Variants in SHISA9 observed in about 807,000 individuals in gnomAD.
SHISA9 encodes the protein protein shisa-9.
In SHISA9, 13 loss-of-function variants were observed where a neutral mutation model predicts 38.0. The observed-to-expected ratio is 0.34, with a 90% CI of 0.22 to 0.54. SHISA9 has a LOEUF of 0.54. Among genes scored for constraint, SHISA9 ranks in the 20% least tolerant of loss-of-function variants. The pLI is 0.91. For missense variants in SHISA9, 538 were observed against 575.8 expected, an observed-to-expected ratio of 0.93 and a Z score of 0.67; for synonymous variants, 275 against 242.0, an observed-to-expected ratio of 1.14 and a Z score of -1.27.
chr16:13,005,936 C>T (rs1237202211), intron 2 of SHISA9, among the ~76,000 whole-genome samples: 1 of 152,156 alleles, frequency 6.6e-6, no homozygotes, highest in Non-Finnish European at 1.5e-5. Context: ...AGGTCTGAAA[C>T]AGTGGGAGGC....
intron 2 of SHISA9, among the ~76,000 whole-genome samples, chr16:13,055,776 A>T (rs573201180): frequency 6.6e-6 from 1 of 152,340 alleles, no homozygotes; most frequent in South Asian, 2.1e-4. Flanking sequence ...CTGAGGATGC[A>T]GCAAAGCTGA....
chr16:13,052,901 C>T (rs1404415998), intron 2 of SHISA9, among the ~76,000 whole-genome samples: 3 of 151,044 alleles, frequency 2.0e-5, no homozygotes, highest in Admixed American at 1.3e-4. Flanking sequence ...GTTAATTACT[C>T]AAGTTGGCAC....
the SHISA9 span, among the ~76,000 whole-genome samples, chr16:13,253,264 G>A: frequency 6.6e-6 from 1 of 152,272 alleles, no homozygotes; most frequent in Admixed American, 6.5e-5. Context: ...ATTTTTGACT[G>A]TGTGGGGGTA....
chr16:13,464,737 G>A, the SHISA9 span, among the ~76,000 whole-genome samples: 4 of 152,088 alleles, frequency 2.6e-5, no homozygotes, highest in Non-Finnish European at 5.9e-5. Flanking sequence ...TGCTTACTAA[G>A]TACTGGGCGC....
At chr16:13,060,819 G>A (rs1462769106) in intron 2 of SHISA9, among the ~76,000 whole-genome samples, 2 of 152,158 alleles carry the variant, frequency 1.3e-5, no homozygotes, top group African/African-American at 4.8e-5. Flanking sequence ...AAGGGCTGGC[G>A]TGGGAGTTGG....
chr16:13,454,531 T>C, the SHISA9 span, among the ~76,000 whole-genome samples: 2 of 152,298 alleles, frequency 1.3e-5, no homozygotes, highest in Admixed American at 6.5e-5. Context: ...GTTGGTACCA[T>C]TGTCGTCATC....
At chr16:12,937,148 T>C (rs547410460) in intron 2 of SHISA9, among the ~76,000 whole-genome samples, 6 of 152,324 alleles carry the variant, frequency 3.9e-5, no homozygotes, top group African/African-American at 1.4e-4. Context: ...GAGCTTGGAA[T>C]TTCCCAGAAG....
At chr16:13,007,013 G>A (rs1018850248) in intron 2 of SHISA9, among the ~76,000 whole-genome samples, 2 of 152,084 alleles carry the variant, frequency 1.3e-5, no homozygotes, top group South Asian at 2.1e-4. Flanking sequence ...TATCAATGCT[G>A]TTGAGCCCCC....
chr16:13,322,191 C>T, the SHISA9 span, among the ~76,000 whole-genome samples: 1 of 152,146 alleles, frequency 6.6e-6, no homozygotes, highest in Non-Finnish European at 1.5e-5. Flanking sequence ...TGAGTTCAGC[C>T]AACCAGATCA....
chr16:13,549,253 G>T, the SHISA9 span, among the ~76,000 whole-genome samples: 43 of 152,264 alleles, frequency 2.8e-4, no homozygotes, highest in Non-Finnish European at 4.1e-4. Context: ...AGGTCAGTGG[G>T]TACAAAGTTA....
intron 2 of SHISA9, among the ~76,000 whole-genome samples, chr16:13,121,630 A>C (rs1191689426): frequency 6.6e-6 from 1 of 152,152 alleles, no homozygotes; most frequent in African/African-American, 2.4e-5. Flanking sequence ...AATTATTCTT[A>C]ATATACCTTT....
chr16:12,997,085 G>C (rs552718258), intron 2 of SHISA9, among the ~76,000 whole-genome samples: 1 of 152,072 alleles, frequency 6.6e-6, no homozygotes, highest in African/African-American at 2.4e-5. Flanking sequence ...TCTATCAAGA[G>C]GAAGAGCATT....
At chr16:13,064,964 C>G (rs1326435049) in intron 2 of SHISA9, among the ~76,000 whole-genome samples, 1 of 152,140 alleles carries the variant, frequency 6.6e-6, no homozygotes, top group African/African-American at 2.4e-5. Flanking sequence ...TCACAAACTG[C>G]ATTCCTCCTT....
chr16:12,994,038 C>G (rs1361171572), intron 2 of SHISA9, among the ~76,000 whole-genome samples: 1 of 152,022 alleles, frequency 6.6e-6, no homozygotes, highest in Non-Finnish European at 1.5e-5. Context: ...GCTAAAAACC[C>G]CAGAGCTAGA....
At chr16:13,271,341 T>A in the SHISA9 span, among the ~76,000 whole-genome samples, 4 of 152,178 alleles carry the variant, frequency 2.6e-5, no homozygotes, top group East Asian at 7.7e-4. Flanking sequence ...CTGAGCTCCA[T>A]CCCCAAGCCC....
At chr16:13,074,333 A>G (rs954141434) in intron 2 of SHISA9, among the ~76,000 whole-genome samples, 1 of 152,114 alleles carries the variant, frequency 6.6e-6, no homozygotes, top group African/African-American at 2.4e-5. Context: ...GAAAACCAAT[A>G]CAAAGCCCTC....
intron 2 of SHISA9, among the ~76,000 whole-genome samples, chr16:12,999,371 G>T (rs13336106): frequency 0.04 from 6,112 of 152,196 alleles, 396 homozygotes; most frequent in African/African-American, 0.14. Context: ...CAATGGGCGC[G>T]TTGTGTGGTT....
At chr16:13,157,358 T>C (rs1567230637) in intron 2 of SHISA9, among the ~76,000 whole-genome samples, 1 of 152,218 alleles carries the variant, frequency 6.6e-6, no homozygotes, top group Non-Finnish European at 1.5e-5. Context: ...ATGATAATAC[T>C]TGATTAGCAG....
intron 2 of SHISA9, among the ~76,000 whole-genome samples, chr16:13,086,353 C>CAAAAAAAAAAAAAAAAAAAAAAAAA (rs767516512): frequency 2.0e-5 from 1 of 50,964 alleles, no homozygotes; most frequent in African/African-American, 7.7e-5. Flanking sequence ...GATTCCATCT[C>CAAAAAAAAAAAAAAAAAAAAAAAAA]AAAAAAAAAA....
Sources: gnomAD v4.1 joint callset for allele counts (sites outside exome capture counted in the v4.1 genomes callset) on GRCh38, gnomAD v4.1.1 for gene constraint, MANE v1.5 for transcripts, NCBI Gene and HGNC (gene_info 2026-07-23, HGNC 2026-07-21) for gene names.